GAS7: variants seen among roughly 807,000 people sequenced by gnomAD.
GAS7 encodes growth arrest-specific protein 7.
GAS7 carries 28 observed loss-of-function variants against 71.1 expected under a neutral mutation model. The ratio of observed to expected loss-of-function variants is 0.39; its 90% confidence interval spans 0.29 to 0.54. The LOEUF (loss-of-function observed/expected upper bound fraction) is 0.54. Among genes scored for constraint, GAS7 ranks in the 20% least tolerant of loss-of-function variants. The pLI, the probability that GAS7 is intolerant of heterozygous loss-of-function variation, is 0.62. For synonymous variants in GAS7, 258 were observed against 245.8 expected (o/e 1.05, Z -0.46); for missense variants, 436 against 627.8 (o/e 0.69, Z 3.27).
At chr17:10,157,543 C>T (rs1412965972) in intron 1 of GAS7, among the ~76,000 whole-genome samples, 11 of 152,196 alleles carry the variant, frequency 7.2e-5, no homozygotes, top group Non-Finnish European at 1.2e-4. Context: ...AGGCTTTGAG[C>T]ATCATGCTTG....
At chr17:10,004,067 G>T (rs2071375727) in intron 2 of GAS7, among the ~76,000 whole-genome samples, 1 of 152,212 alleles carries the variant, frequency 6.6e-6, no homozygotes, top group Admixed American at 6.5e-5. Context: ...GCCTCGTAGG[G>T]TGTTTAGAGG....
At chr17:10,107,231 A>G (rs1310610770) in intron 1 of GAS7, among the ~76,000 whole-genome samples, 1 of 152,212 alleles carries the variant, frequency 6.6e-6, no homozygotes, top group East Asian at 1.9e-4. Context: ...GCAATGGGAA[A>G]CTAACACACT....
intron 1 of GAS7, among the ~76,000 whole-genome samples, chr17:10,032,470 G>A (rs753779570): frequency 2.0e-5 from 3 of 152,186 alleles, no homozygotes; most frequent in Non-Finnish European, 4.4e-5. Context: ...GCATAAAGAG[G>A]TGCTGTGTTC....
intron 1 of GAS7, among the ~76,000 whole-genome samples, chr17:10,035,673 T>C (rs993461850): frequency 1.3e-5 from 2 of 152,098 alleles, no homozygotes; most frequent in Non-Finnish European, 2.9e-5. Context: ...AAGAGAGTGA[T>C]CACCACTCTC....
At chr17:10,109,823 A>G (rs1029897557) in intron 1 of GAS7, among the ~76,000 whole-genome samples, 10 of 152,196 alleles carry the variant, frequency 6.6e-5, no homozygotes, top group Non-Finnish European at 1.3e-4. Context: ...TGGGAGGCAG[A>G]GGCGGGTGGA....
intron 1 of GAS7, among the ~76,000 whole-genome samples, chr17:10,122,349 C>T (rs551638199): frequency 2.0e-5 from 3 of 152,316 alleles, no homozygotes; most frequent in Non-Finnish European, 4.4e-5. Context: ...CTCCCAGACA[C>T]GTGCACACTG....
intron 1 of GAS7, among the ~76,000 whole-genome samples, chr17:10,078,080 T>TGTGTGTGTGTGTG (rs1555531361): frequency 3.0e-5 from 4 of 134,028 alleles, no homozygotes; most frequent in African/African-American, 1.1e-4. Context: ...TGTGTGTGTG[T>TGTGTGTGTGTGTG]TTTGTTTTGT....
chr17:9,989,146 T>A (rs1333795589), intron 2 of GAS7, among the ~76,000 whole-genome samples: 2 of 152,046 alleles, frequency 1.3e-5, no homozygotes, highest in Non-Finnish European at 2.9e-5. Flanking sequence ...ATTTCCACTT[T>A]TAATGGAAGG....
intron 3 of GAS7, among the ~76,000 whole-genome samples, chr17:9,970,565 G>C (rs2069920943): frequency 1.3e-5 from 2 of 152,148 alleles, no homozygotes; most frequent in South Asian, 4.1e-4. Flanking sequence ...CCAGGAGGCA[G>C]AGGTTGCAGT....
chr17:10,169,757 C>A (rs140382898), intron 1 of GAS7, among the ~76,000 whole-genome samples: 1 of 152,240 alleles, frequency 6.6e-6, no homozygotes, highest in African/African-American at 2.4e-5. Flanking sequence ...TCCAGTACAG[C>A]GGCTTGAAGA....
At chr17:10,030,207 G>A (rs1366376680) in intron 1 of GAS7, among the ~76,000 whole-genome samples, 1 of 152,148 alleles carries the variant, frequency 6.6e-6, no homozygotes, top group African/African-American at 2.4e-5. Flanking sequence ...GGGTTGTATT[G>A]GCCCCGAGGG....
chr17:10,151,352 T>C (rs568494085), intron 1 of GAS7, among the ~76,000 whole-genome samples: 42 of 152,028 alleles, frequency 2.8e-4, no homozygotes, highest in Admixed American at 5.2e-4. Context: ...TTTTAAATAC[T>C]TGTCACTGAT....
intron 1 of GAS7, among the ~76,000 whole-genome samples, chr17:10,085,347 C>T (rs2073505552): frequency 6.6e-6 from 1 of 152,116 alleles, no homozygotes; most frequent in Admixed American, 6.5e-5. Context: ...ATCTCGATTT[C>T]CCCACCTCCA....
At chr17:10,021,975 G>T (rs2072288466) in intron 1 of GAS7, among the ~76,000 whole-genome samples, 1 of 152,170 alleles carries the variant, frequency 6.6e-6, no homozygotes, top group East Asian at 1.9e-4. Context: ...CTGAGGGTTA[G>T]GGCCAGGTGC....
intron 1 of GAS7, among the ~76,000 whole-genome samples, chr17:10,024,854 C>G (rs1391531488): frequency 6.6e-6 from 1 of 152,140 alleles, no homozygotes; most frequent in East Asian, 1.9e-4. Context: ...ACTTCAGAAC[C>G]CTACTCTAGA....
rs1164151104 is a variant in GAS7, at chr17:10,167,044, C to CTTTTTTTTTTTTTTTTTTT, written c.183+31145_183+31163dup. The stretch of plus-strand genomic sequence containing the variant: ...AAACCAATCTACTATTTCCATTTGT[C>CTTTTTTTTTTTTTTTTTTT]TTTTTTTTTTTTTTTTTTTTTTTTT... On this transcript the variant is annotated intron_variant, in intron 1 of 13. Coordinates refer to ENST00000432992, the MANE Select transcript of GAS7 (RefSeq NM_201433.2). 1.5e-3 allele frequency among the ~76,000 whole-genome samples: 88 copies of CTTTTTTTTTTTTTTTTTTT among 58,814 alleles called. 16 individuals are homozygous for CTTTTTTTTTTTTTTTTTTT. The highest frequency in any genetic ancestry group is 1.7e-3 in the Non-Finnish European group (58 of 34,068). 38.6% of individuals were successfully genotyped at this position (58,814 alleles called of 152,430 possible).
chr17:10,157,973 G>C (rs1039342943), intron 1 of GAS7, among the ~76,000 whole-genome samples: 1 of 152,054 alleles, frequency 6.6e-6, no homozygotes, highest in East Asian at 1.9e-4. Flanking sequence ...GTACCACTGC[G>C]CTCCAGCCTA....
intron 1 of GAS7, among the ~76,000 whole-genome samples, chr17:10,086,496 T>C (rs1405028090): frequency 6.6e-6 from 1 of 152,210 alleles, no homozygotes; most frequent in African/African-American, 2.4e-5. Flanking sequence ...AATCTGGGTT[T>C]GTTCTGGGCT....
At chr17:10,009,043 G>A (rs1208179299) in intron 2 of GAS7, among the ~76,000 whole-genome samples, 2 of 152,078 alleles carry the variant, frequency 1.3e-5, no homozygotes, top group South Asian at 2.1e-4. Context: ...TACTGGGGCC[G>A]GGCGCGGTGG....
Sources: allele counts gnomAD v4.1 joint callset (sites outside exome capture counted in the v4.1 genomes callset), GRCh38; gene constraint gnomAD v4.1.1; transcripts MANE v1.5; gene names NCBI Gene and HGNC (gene_info 2026-07-23, HGNC 2026-07-21).